Variants in ASTN2 observed in about 807,000 individuals in gnomAD.
ASTN2 encodes astrotactin 2, also known as astrotactin-2.
In ASTN2, 54 loss-of-function variants were observed where a neutral mutation model predicts 139.8. That is an observed-to-expected ratio of 0.39 (90% CI 0.31 to 0.48). ASTN2 has a LOEUF of 0.48. Among genes scored for constraint, ASTN2 ranks in the 20% least tolerant of loss-of-function variants. The pLI is 0.95. For missense variants in ASTN2, 1,565 were observed against 1,725.1 expected, an observed-to-expected ratio of 0.91 and a Z score of 1.64; for synonymous variants, 756 against 719.5, an observed-to-expected ratio of 1.05 and a Z score of -0.81.
chr9:117,389,891 C>T (rs1386341476), intron 1 of ASTN2, among the ~76,000 whole-genome samples: 2 of 148,374 alleles, frequency 1.3e-5, no homozygotes, highest in African/African-American at 5.2e-5. Context: ...GTGAGAAAGA[C>T]AGTGTATTCG....
chr9:116,532,204 G>T (rs1293755196), intron 19 of ASTN2, among the ~76,000 whole-genome samples: 1 of 152,184 alleles, frequency 6.6e-6, no homozygotes, highest in Non-Finnish European at 1.5e-5. Flanking sequence ...CCCACTTGCT[G>T]ATGGGTTGTT....
intron 16 of ASTN2, chr9:116,686,828 GCT>G (rs1860246892): frequency 1.9e-6 from 3 of 1,550,314 alleles, no homozygotes; most frequent in Non-Finnish European, 1.7e-6. Context: ...CTCTAGTGCA[GCT>G]CTCTGTCAGA....
intron 3 of ASTN2, among the ~76,000 whole-genome samples, chr9:117,184,440 A>T (rs1831148999): frequency 6.6e-6 from 1 of 152,152 alleles, no homozygotes; most frequent in Non-Finnish European, 1.5e-5. Flanking sequence ...TCACCAGGGA[A>T]ATCATGAGGA....
At chr9:116,782,161 A>T (rs1830236711) in intron 13 of ASTN2, among the ~76,000 whole-genome samples, 1 of 152,156 alleles carries the variant, frequency 6.6e-6, no homozygotes, top group Admixed American at 6.5e-5. Context: ...AAATCATACC[A>T]TGCCAGTTTC....
At chr9:116,966,639 C>G (rs753938584) in intron 10 of ASTN2, among the ~76,000 whole-genome samples, 1 of 150,858 alleles carries the variant, frequency 6.6e-6, no homozygotes, top group Non-Finnish European at 1.5e-5. Context: ...GCATAGAGTA[C>G]GTCCACCTGG....
intron 2 of ASTN2, among the ~76,000 whole-genome samples, chr9:117,288,706 T>C (rs1435367296): frequency 6.6e-6 from 1 of 152,210 alleles, no homozygotes; most frequent in Non-Finnish European, 1.5e-5. Context: ...TGCTGCATTG[T>C]CTGTGGCCAG....
chr9:117,397,363 T>C (rs115631322), intron 1 of ASTN2, among the ~76,000 whole-genome samples: 1 of 151,962 alleles, frequency 6.6e-6, no homozygotes, highest in Admixed American at 6.6e-5. Context: ...TTATACTATT[T>C]AAAAAAAACA....
At chr9:116,555,325 A>G (rs1320137468) in intron 19 of ASTN2, among the ~76,000 whole-genome samples, 2 of 152,138 alleles carry the variant, frequency 1.3e-5, no homozygotes, top group African/African-American at 4.8e-5. Flanking sequence ...CCAGCTGCAC[A>G]GGCTGGCCCA....
intron 7 of ASTN2, among the ~76,000 whole-genome samples, chr9:116,977,371 C>CT (rs151315997): frequency 0.017 from 2,545 of 152,138 alleles, 63 homozygotes; most frequent in African/African-American, 0.05. Flanking sequence ...ACTGCCATCT[C>CT]TTCTCTTGTC....
chr9:116,650,378 T>G (rs1857839592), intron 17 of ASTN2, among the ~76,000 whole-genome samples: 1 of 152,096 alleles, frequency 6.6e-6, no homozygotes, highest in African/African-American at 2.4e-5. Flanking sequence ...TAATTAAAAG[T>G]GAGAGAACCG....
At chr9:116,948,791 T>TTTTTTTGTTTTTTTTTTTG in intron 10 of ASTN2, among the ~76,000 whole-genome samples, 1 of 116,788 alleles carries the variant, frequency 8.6e-6, no homozygotes, top group East Asian at 2.2e-4. Flanking sequence ...TGGTGTTTTT[T>TTTTTTTGTTTTTTTTTTTG]TTTTTTTTTT....
At chr9:116,668,857 G>C (rs1159294378) in intron 16 of ASTN2, among the ~76,000 whole-genome samples, 1 of 152,194 alleles carries the variant, frequency 6.6e-6, no homozygotes, top group African/African-American at 2.4e-5. Flanking sequence ...AAATGACTTA[G>C]TGTGTCGGTC....
intron 13 of ASTN2, among the ~76,000 whole-genome samples, chr9:116,803,504 ATATATATATATATATATATTT>A (rs1399261396): frequency 2.2e-3 from 15 of 6,942 alleles, no homozygotes; most frequent in African/African-American, 8.1e-3. Context: ...ATATATATAT[ATATATATATATATATATATTT>A]TTTTTTTTTT....
At chr9:116,892,577 T>C (rs937471910) in intron 10 of ASTN2, among the ~76,000 whole-genome samples, 10 of 151,774 alleles carry the variant, frequency 6.6e-5, no homozygotes, top group Admixed American at 3.9e-4. Context: ...CAGATTGCAC[T>C]GACTTTTAAT....
intron 5 of ASTN2, among the ~76,000 whole-genome samples, chr9:117,082,741 T>G (rs2132727643): frequency 6.6e-6 from 1 of 152,306 alleles, no homozygotes; most frequent in Non-Finnish European, 1.5e-5. Context: ...AGGCAGAGGT[T>G]GCAGTGAGCT....
At chr9:116,552,986 A>G (rs746452419) in intron 19 of ASTN2, among the ~76,000 whole-genome samples, 8 of 152,218 alleles carry the variant, frequency 5.3e-5, no homozygotes, top group Non-Finnish European at 1.0e-4. Context: ...GAAAAGACTC[A>G]CTACAGAGAA....
intron 10 of ASTN2, among the ~76,000 whole-genome samples, chr9:116,895,211 G>T (rs899012531): frequency 6.6e-6 from 1 of 152,174 alleles, no homozygotes; most frequent in Non-Finnish European, 1.5e-5. Flanking sequence ...TAATGCACAG[G>T]ATTGTTAAAA....
chr9:117,019,636 G>A (rs1304296676), intron 6 of ASTN2, among the ~76,000 whole-genome samples: 1 of 152,058 alleles, frequency 6.6e-6, no homozygotes, highest in Non-Finnish European at 1.5e-5. Flanking sequence ...GGATCAAATA[G>A]GACCCAGGGT....
intron 1 of ASTN2, among the ~76,000 whole-genome samples, chr9:117,351,260 C>T (rs1446787553): frequency 6.6e-6 from 1 of 152,202 alleles, no homozygotes; most frequent in African/African-American, 2.4e-5. Flanking sequence ...TACCCAGTGT[C>T]TCCAGAGCAA....
Sources: allele counts gnomAD v4.1 joint callset (sites outside exome capture counted in the v4.1 genomes callset), GRCh38; gene constraint gnomAD v4.1.1; transcripts MANE v1.5; gene names NCBI Gene and HGNC (gene_info 2026-07-23, HGNC 2026-07-21).